Variants in DNAH14 observed in about 807,000 individuals in gnomAD.
DNAH14 encodes the protein dynein axonemal heavy chain 14, also known as axonemal beta dynein heavy chain 14.
DNAH14 carries 478 observed loss-of-function variants against 520.9 expected under a neutral mutation model. The observed-to-expected ratio is 0.92, with a 90% CI of 0.85 to 0.99. The LOEUF is 0.99. Among genes scored for constraint, DNAH14 ranks in the 50% least tolerant of loss-of-function variants. The pLI is 0.00. For synonymous variants in DNAH14, 1,581 were observed against 1,757.2 expected (o/e 0.90, Z 2.51); for missense variants, 4,831 against 5,234.5 (o/e 0.92, Z 2.38).
chr1:225,118,900 A>AAAG (rs2077080288), intron 25 of DNAH14, among the ~76,000 whole-genome samples: 1 of 151,678 alleles, frequency 6.6e-6, no homozygotes, highest in African/African-American at 2.4e-5. Flanking sequence ...AAAAAAAAAA[A>AAAG]AAAAGAAAAG....
chr1:225,324,472 A>G, intron 63 of DNAH14, 119 bp downstream of exon 63: 1 of 1,321,040 alleles, frequency 7.6e-7, no homozygotes, highest in South Asian at 1.5e-5. Flanking sequence ...CTAAGGAGAA[A>G]CACTTTAATC....
At position 225,270,693 on chromosome 1, in the gene DNAH14, A is replaced by G. The variant is rs745947921; in HGVS notation, c.7540-42A>G. The stretch of plus-strand genomic sequence containing the variant: ...GACGTAGGTACATACTTCACTTCCT[A>G]CAGATACATTCAGTTACTCTTCCTT... On this transcript the variant is annotated intron_variant, in intron 49 of 85. Coordinates refer to ENST00000682510, the MANE Select transcript of DNAH14 (RefSeq NM_001367479.1). The G allele has an allele frequency of 5.5e-5, 84 of 1,534,192 alleles. No homozygotes were observed. The African/African-American group carries it at 1.0e-3, about 19-fold the overall frequency.
chr1:225,174,938 G>A (rs2083149730), intron 36 of DNAH14, among the ~76,000 whole-genome samples: 1 of 152,056 alleles, frequency 6.6e-6, no homozygotes, highest in African/African-American at 2.4e-5. Context: ...ATGATAAGGT[G>A]GTATTTGTCC....
chr1:225,147,650 T>G (rs1387375551), intron 31 of DNAH14, among the ~76,000 whole-genome samples: 1 of 152,228 alleles, frequency 6.6e-6, no homozygotes, highest in Non-Finnish European at 1.5e-5. Context: ...TAAACCTTTC[T>G]TTTAAGTTCA....
At position 225,240,632 on chromosome 1, in the gene DNAH14, A is replaced by T; in HGVS notation, c.6558A>T (p.Lys2186Asn). 6.4e-7 allele frequency: 1 copy of T among 1,550,640 alleles called. No homozygotes were observed. Among genetic ancestry groups the T allele is most frequent in the Non-Finnish European group, 8.7e-7 (1 of 1,146,360 alleles). ...NTWYPEKNPD[K>N]LTKIIQKLFV... is the part of the protein sequence containing the mutation. ...GGTATCCAGAGAAAAATCCTGATAA[A>T]TTAACAAAAATTATTCAAAAGCTTT... The change falls in exon 43 of 86, where the codon AAA (lysine) becomes AAT (asparagine). Residue 2186 changes from lysine (K) to asparagine (N), a missense_variant. Transcript: ENST00000682510.
chr1:225,355,708 G>A (rs572318095), intron 73 of DNAH14, among the ~76,000 whole-genome samples: 32 of 151,980 alleles, frequency 2.1e-4, no homozygotes, highest in Non-Finnish European at 2.4e-4. Flanking sequence ...GTTGTTTTCT[G>A]GGTTTTATTG....
intron 36 of DNAH14, among the ~76,000 whole-genome samples, chr1:225,170,729 G>A (rs1355905306): frequency 6.6e-6 from 1 of 152,098 alleles, no homozygotes; most frequent in African/African-American, 2.4e-5. Flanking sequence ...AAGTTAATAA[G>A]GATATCCACG....
At position 225,272,120 on chromosome 1, in the gene DNAH14, G is replaced by GCT. The variant is rs759108145; in HGVS notation, c.7839+55_7839+56dup. 4 of 1,494,660 alleles carry GCT rather than the reference G, an allele frequency of 2.7e-6. No individual in the cohort carries two copies. The African/African-American group carries it at 4.2e-5, about 16-fold the overall frequency. The allele number at this position is 1,494,660 out of a possible 1,614,324, so 92.6% of individuals were successfully genotyped here. Reference sequence around the variant, plus strand: ...CTAGTTTATTTTTTAAATATAAGTTGCTCTCTCTCATACTGTCAACATTAG... The same window carrying GCT: ...CTAGTTTATTTTTTAAATATAAGTTGCTCTCTCTCTCATACTGTCAACATTAG... On this transcript the variant is annotated intron_variant, in intron 51 of 85. Coordinates refer to ENST00000682510, the MANE Select transcript of DNAH14 (RefSeq NM_001367479.1).
intron 17 of DNAH14, among the ~76,000 whole-genome samples, chr1:225,075,026 C>T (rs956782615): frequency 2.6e-5 from 4 of 152,194 alleles, no homozygotes; most frequent in African/African-American, 7.2e-5. Context: ...GCTGGAAAGC[C>T]TGGAGCTGGA....
chr1:225,282,582 G>A (rs2093650473), intron 54 of DNAH14, among the ~76,000 whole-genome samples: 1 of 152,192 alleles, frequency 6.6e-6, no homozygotes, highest in Non-Finnish European at 1.5e-5. Flanking sequence ...AATCAATACA[G>A]GGTGCATGAT....
intron 46 of DNAH14, among the ~76,000 whole-genome samples, chr1:225,263,358 C>T (rs1366081324): frequency 6.6e-6 from 1 of 151,380 alleles, no homozygotes; most frequent in Non-Finnish European, 1.5e-5. Context: ...TCTAGTGCTT[C>T]TTATCTCAAT....
chr1:225,318,000 T>C (rs1199557271), intron 60 of DNAH14, among the ~76,000 whole-genome samples: 1 of 152,166 alleles, frequency 6.6e-6, no homozygotes, highest in Admixed American at 6.5e-5. Flanking sequence ...GTGAGCAATA[T>C]AAATATAATT....
chr1:225,306,485 C>T (rs978654161), intron 58 of DNAH14, among the ~76,000 whole-genome samples: 5 of 152,112 alleles, frequency 3.3e-5, no homozygotes, highest in Non-Finnish European at 7.4e-5. Flanking sequence ...GCCAGATGCC[C>T]TACAGGCAAG....
At chr1:225,208,393 C>A (rs147351141) in intron 41 of DNAH14, among the ~76,000 whole-genome samples, 5 of 151,926 alleles carry the variant, frequency 3.3e-5, no homozygotes, top group Non-Finnish European at 5.9e-5. Context: ...AGCTGTATAA[C>A]AGATTAGTGA....
intron 15 of DNAH14, among the ~76,000 whole-genome samples, chr1:225,046,383 A>G (rs776432360): frequency 2.6e-5 from 4 of 152,168 alleles, no homozygotes; most frequent in Non-Finnish European, 5.9e-5. Flanking sequence ...CCCAATGATC[A>G]TATTATAAAA....
In DNAH14 at chr1:224,974,103, A is replaced by T; in HGVS notation, c.780A>T (p.Ala260=). 6.6e-7 allele frequency: 1 copy of T among 1,507,070 alleles called. No homozygotes were observed. The highest frequency in any genetic ancestry group is 8.9e-7 in the Non-Finnish European group (1 of 1,122,794). The allele number at this position is 1,507,070 out of a possible 1,614,324, so 93.4% of individuals were successfully genotyped here. Residue 260 remains alanine (A), a synonymous_variant, in exon 8 of 86, where the codon GCA becomes GCT. Coordinates refer to ENST00000682510, the MANE Select transcript of DNAH14 (RefSeq NM_001367479.1). ...KIFSDFRMNK[A]FVTWKLNVKR... ...TTTTTCCTTTCAGAATGAATAAAGC[A>T]TTTGTTACCTGGAAATTGAATGTTA... is the stretch of plus-strand genomic sequence containing the variant.
At chr1:225,395,453 G>A (rs555198369) in intron 84 of DNAH14, among the ~76,000 whole-genome samples, 5 of 151,954 alleles carry the variant, frequency 3.3e-5, no homozygotes, top group Admixed American at 2.0e-4. Flanking sequence ...TTAGCCGGGC[G>A]TAGTGGCGGG....
intron 27 of DNAH14, among the ~76,000 whole-genome samples, chr1:225,133,726 T>C (rs930121434): frequency 1.3e-5 from 2 of 152,220 alleles, no homozygotes; most frequent in Non-Finnish European, 2.9e-5. Context: ...TTTGGTTCCA[T>C]ATGAATTTTA....
chr1:225,120,927 A>G (rs184342964), intron 26 of DNAH14, among the ~76,000 whole-genome samples: 1 of 152,178 alleles, frequency 6.6e-6, no homozygotes, highest in Non-Finnish European at 1.5e-5. Flanking sequence ...CCATTTTTTC[A>G]TGTTATTTTA....
Sources: gnomAD v4.1 joint callset for allele counts (sites outside exome capture counted in the v4.1 genomes callset) on GRCh38, gnomAD v4.1.1 for gene constraint, MANE v1.5 for transcripts, NCBI Gene and HGNC (gene_info 2026-07-23, HGNC 2026-07-21) for gene names.